CD59: variants seen among roughly 807,000 people sequenced by gnomAD.
The protein encoded by CD59 is CD59 glycoprotein.
Under a neutral mutation model 7.0 loss-of-function variants are expected in CD59, and 3 were observed. That is an observed-to-expected ratio of 0.43 (90% CI 0.19 to 1.10). CD59 has a LOEUF of 1.10. CD59 is among the 50% of genes least tolerant of loss of function. The pLI, the probability that CD59 is intolerant of heterozygous loss-of-function variation, is 0.29. For missense variants in CD59, 143 were observed against 151.0 expected, an observed-to-expected ratio of 0.95 and a Z score of 0.28; for synonymous variants, 60 against 62.0, an observed-to-expected ratio of 0.97 and a Z score of 0.15.
rs1854564540 is a variant in CD59 at position 33,736,058 on chromosome 11, G to A, written c.-19+324C>T. ...TCTCTGGACCGCTAGAGCTTCCCTT[G>A]AGACGAAAGCGATGGCAGGGGCCCG... On this transcript the variant is annotated intron_variant, in intron 1 of 3. Coordinates refer to ENST00000642928, the MANE Select transcript of CD59 (RefSeq NM_000611.6). The surrounding 1 kb of genome is among the most constrained non-coding windows in gnomAD (Gnocchi z 4.4). Among the ~76,000 whole-genome samples the A allele has an allele frequency of 6.6e-6, 1 of 152,162 alleles. No individual in the cohort carries two copies. The highest frequency in any genetic ancestry group is 2.1e-4 in the South Asian group (1 of 4,828).
chr11:33,729,363 T>G (rs561783997), intron 1 of CD59, among the ~76,000 whole-genome samples: 8 of 152,278 alleles, frequency 5.3e-5, no homozygotes, highest in Non-Finnish European at 8.8e-5. Context: ...TCATGTCCTT[T>G]GCAGGGACAT....
intron 1 of CD59, among the ~76,000 whole-genome samples, chr11:33,735,908 C>T (rs1854555837): frequency 7.2e-6 from 1 of 139,326 alleles, no homozygotes; most frequent in Non-Finnish European, 1.6e-5. Context: ...AGCGAAACTC[C>T]ATCTCAAAAA....
chr11:33,729,699 GAA>G (rs57531198), intron 1 of CD59, among the ~76,000 whole-genome samples: 4 of 142,932 alleles, frequency 2.8e-5, no homozygotes, highest in African/African-American at 5.1e-5. Flanking sequence ...GTATCTCCGA[GAA>G]AAAAAAAAAA....
intron 2 of CD59, among the ~76,000 whole-genome samples, chr11:33,722,068 A>G (rs1470530205): frequency 6.6e-6 from 1 of 152,158 alleles, no homozygotes; most frequent in Admixed American, 6.5e-5. Flanking sequence ...ACAGCACTCT[A>G]AGAATGGTAT....
chr11:33,730,957 A>G (rs1854398828), intron 1 of CD59, among the ~76,000 whole-genome samples: 1 of 152,230 alleles, frequency 6.6e-6, no homozygotes, highest in African/African-American at 2.4e-5. Flanking sequence ...GATGGTATCA[A>G]TAACTATAGT....
chr11:33,725,616 G>A (rs1854233686), intron 1 of CD59, among the ~76,000 whole-genome samples: 1 of 152,194 alleles, frequency 6.6e-6, no homozygotes, highest in South Asian at 2.1e-4. Flanking sequence ...TGGTGCGTAA[G>A]TTGACTCTAA....
At chr11:33,729,699 G>T (rs76819769) in intron 1 of CD59, among the ~76,000 whole-genome samples, 2 of 142,874 alleles carry the variant, frequency 1.4e-5, no homozygotes, top group Non-Finnish European at 3.1e-5. Context: ...GTATCTCCGA[G>T]AAAAAAAAAA....
rs911505525 is a variant in CD59, at chr11:33,709,158, T to C, written c.*968A>G. ...TTTATACAATCTATGCTGAGTCAGC[T>C]AGGAGTTAGCAGGAGGCTGGATGCA... On this transcript the variant is annotated 3_prime_UTR_variant, in exon 4 of 4. Coordinates refer to ENST00000642928, the MANE Select transcript of CD59 (RefSeq NM_000611.6). 3.3e-5 allele frequency: 5 copies of C among 152,238 alleles called. No homozygotes were observed. The highest frequency in any genetic ancestry group is 7.3e-5 in the Non-Finnish European group (5 of 68,048). The allele number at this position is 152,238 out of a possible 1,614,324, so 9.4% of individuals were successfully genotyped here. A position where few individuals can be genotyped will look rare whatever the true frequency, so the allele number is the denominator to read the frequency against.
chr11:33,721,141 AAAT>A (rs1221519133), intron 2 of CD59, among the ~76,000 whole-genome samples: 2 of 152,218 alleles, frequency 1.3e-5, no homozygotes, highest in Non-Finnish European at 1.5e-5. Context: ...ATTATAGAAA[AAAT>A]ATAGTGTTTT....
intron 1 of CD59, among the ~76,000 whole-genome samples, chr11:33,725,285 G>GAA (rs35899420): frequency 1.7e-4 from 15 of 86,480 alleles, no homozygotes; most frequent in South Asian, 3.8e-4. Flanking sequence ...CCATTTTAAG[G>GAA]AAAAAAAAAA....
Position 33,703,760 on chromosome 11 carries a change from C to T in CD59, c.*6366G>A, listed in dbSNP as rs1590502058. The stretch of plus-strand genomic sequence containing the variant: ...TGATTCTTCCTCCAGCCTCACCTAT[C>T]GGGGCAGTCATTGTTCCGCTGTCAG... On this transcript the variant is annotated 3_prime_UTR_variant, in exon 4 of 4. Coordinates refer to ENST00000642928, the MANE Select transcript of CD59 (RefSeq NM_000611.6). 1 of 152,094 alleles carries T rather than the reference C, an allele frequency of 6.6e-6. No homozygotes were observed. The highest frequency in any genetic ancestry group is 1.5e-5 in the Non-Finnish European group (1 of 68,016). The allele number at this position is 152,094 out of a possible 1,614,324, so 9.4% of individuals were successfully genotyped here.
At chr11:33,727,204 T>G (rs1441232398) in intron 1 of CD59, among the ~76,000 whole-genome samples, 1 of 152,104 alleles carries the variant, frequency 6.6e-6, no homozygotes, top group African/African-American at 2.4e-5. Context: ...CACCGAAACC[T>G]GGCAGAGACA....
intron 1 of CD59, among the ~76,000 whole-genome samples, chr11:33,726,267 C>T (rs1250666814): frequency 6.6e-6 from 1 of 152,106 alleles, no homozygotes; most frequent in East Asian, 1.9e-4. Context: ...TAAAATTGAC[C>T]ACATAATTGG....
chr11:33,724,987 G>A (rs1854212559), intron 1 of CD59, among the ~76,000 whole-genome samples: 2 of 152,086 alleles, frequency 1.3e-5, no homozygotes, highest in Admixed American at 6.5e-5. Context: ...ATGGGGGGCG[G>A]AGGAGGGCGG....
intron 1 of CD59, among the ~76,000 whole-genome samples, chr11:33,735,568 TAAG>T (rs905652249): frequency 9.9e-5 from 15 of 152,078 alleles, no homozygotes; most frequent in African/African-American, 2.7e-4. Context: ...AGTCAGACTC[TAAG>T]AAGGGTGCGG....
intron 1 of CD59, among the ~76,000 whole-genome samples, chr11:33,728,993 G>A (rs1038838477): frequency 2.0e-5 from 3 of 151,780 alleles, no homozygotes; most frequent in East Asian, 3.9e-4. Context: ...TTAGAATGGC[G>A]ATCATTAAAA....
chr11:33,734,431 C>T (rs2133578751), intron 1 of CD59, among the ~76,000 whole-genome samples: 1 of 152,340 alleles, frequency 6.6e-6, no homozygotes, highest in South Asian at 2.1e-4. Flanking sequence ...GTATTAAGCC[C>T]AGCATGCATT....
In CD59 at chr11:33,711,194, C is replaced by T. The variant is rs557679766; in HGVS notation, c.170-851G>A. ...CAAATCACATGTAAACCACCAGGTG[C>T]GGTGGCTCACACCTGTAATCCCAAC... is the stretch of plus-strand genomic sequence containing the variant. On this transcript the variant is annotated intron_variant, in intron 3 of 3. Coordinates refer to ENST00000642928, the MANE Select transcript of CD59 (RefSeq NM_000611.6). 3.3e-5 allele frequency among the ~76,000 whole-genome samples: 5 copies of T among 152,150 alleles called. No homozygotes were observed. The East Asian group carries it at 7.7e-4, about 24-fold the overall frequency.
chr11:33,718,741 C>T (rs189778473), intron 2 of CD59: 1 of 152,298 alleles, frequency 6.6e-6, no homozygotes, highest in African/African-American at 2.4e-5. Flanking sequence ...AATTATTGCT[C>T]CCAGTCAATT....
Sources: gnomAD v4.1 joint callset for allele counts (sites outside exome capture counted in the v4.1 genomes callset) on GRCh38, gnomAD v4.1.1 for gene constraint, Gnocchi (gnomAD v3.1) non-coding constraint, MANE v1.5 for transcripts, NCBI Gene and HGNC (gene_info 2026-07-23, HGNC 2026-07-21) for gene names.